Variants in MYO6 observed in about 807,000 individuals in gnomAD.
MYO6 encodes myosin VI.
Under a neutral mutation model 178.7 loss-of-function variants are expected in MYO6, and 74 were observed. The observed-to-expected ratio is 0.41, with a 90% CI of 0.34 to 0.50. The LOEUF (loss-of-function observed/expected upper bound fraction) is 0.50, where lower values mean the gene tolerates loss of function less well. MYO6 is among the 20% of genes least tolerant of loss of function. The probability of loss-of-function intolerance (pLI) is 0.09; values close to 1 mark genes in which losing one functional copy is unlikely to be tolerated. For synonymous variants in MYO6, 477 were observed against 504.6 expected (o/e 0.95, Z 0.73); for missense variants, 1,330 against 1,547.4 (o/e 0.86, Z 2.36).
intron 1 of MYO6, among the ~76,000 whole-genome samples, chr6:75,784,381 A>G (rs1767297298): frequency 6.6e-6 from 1 of 152,088 alleles, no homozygotes; most frequent in African/African-American, 2.4e-5. Context: ...GACACAGAGA[A>G]TGGAAGTGAA....
chr6:75,801,368 G>T (rs13205059), intron 1 of MYO6, among the ~76,000 whole-genome samples: 8,508 of 151,704 alleles, frequency 0.056, 536 homozygotes, highest in African/African-American at 0.15. Flanking sequence ...GAGGAGGGGT[G>T]GTTGTTCTTG....
In MYO6 at chr6:75,787,764, ATT is replaced by A. The variant is rs1248489922; in HGVS notation, c.-47-29723_-47-29722del. On this transcript the variant is annotated intron_variant, in intron 1 of 34. Transcript: ENST00000369977. ...TATATATATATATATATATATATGT[ATT>A]TTTTTTTTTTTTTGAGACAGTCTTG... Among the ~76,000 whole-genome samples, 25 of 73,310 alleles carry A rather than the reference ATT, an allele frequency of 3.4e-4. 1 individual carries two copies. Among genetic ancestry groups the A allele is most frequent in the Non-Finnish European group, 4.6e-4 (17 of 36,796 alleles). The allele number at this position is 73,310 out of a possible 152,430, so 48.1% of individuals were successfully genotyped here.
intron 3 of MYO6, among the ~76,000 whole-genome samples, chr6:75,824,508 CTG>C (rs1299098093): frequency 6.6e-6 from 1 of 152,170 alleles, no homozygotes; most frequent in African/African-American, 2.4e-5. Context: ...GAATGACACA[CTG>C]TAACACAAAG....
intron 30 of MYO6, among the ~76,000 whole-genome samples, chr6:75,906,601 G>A (rs922560610): frequency 3.3e-5 from 5 of 152,078 alleles, no homozygotes; most frequent in African/African-American, 7.2e-5. Flanking sequence ...GCTTGAGCCC[G>A]GGTGGTGGAG....
intron 27 of MYO6, among the ~76,000 whole-genome samples, chr6:75,892,256 G>A (rs1168892959): frequency 6.6e-6 from 1 of 152,174 alleles, no homozygotes; most frequent in Non-Finnish European, 1.5e-5. Context: ...CTCATGTGAT[G>A]TTTGGGACAC....
At chr6:75,836,029 G>A in intron 7 of MYO6, 73 bp downstream of exon 7, 1 of 1,022,260 alleles carries the variant, frequency 9.8e-7, no homozygotes, top group Admixed American at 1.7e-5. Flanking sequence ...GGTCTGGAAT[G>A]TTCTTCTCTC....
intron 1 of MYO6, among the ~76,000 whole-genome samples, chr6:75,759,640 G>C (rs1777777505): frequency 6.6e-6 from 1 of 152,052 alleles, no homozygotes; most frequent in Non-Finnish European, 1.5e-5. Context: ...AGGATGTGAA[G>C]GAGCAAATGG....
At chr6:75,825,659 G>T (rs1772392404) in intron 3 of MYO6, among the ~76,000 whole-genome samples, 1 of 152,124 alleles carries the variant, frequency 6.6e-6, no homozygotes, top group African/African-American at 2.4e-5. Context: ...TTCTGTAATG[G>T]AATGACTTCT....
intron 32 of MYO6, among the ~76,000 whole-genome samples, chr6:75,909,488 T>G (rs975608714): frequency 6.6e-6 from 1 of 152,216 alleles, no homozygotes; most frequent in Admixed American, 6.5e-5. Context: ...TTTGATTTTT[T>G]GATTGGGATC....
intron 1 of MYO6, among the ~76,000 whole-genome samples, chr6:75,816,286 G>A (rs1178220756): frequency 6.6e-6 from 1 of 152,220 alleles, no homozygotes; most frequent in Non-Finnish European, 1.5e-5. Flanking sequence ...TGAAGTTCAG[G>A]AATAGGCAGA....
intron 1 of MYO6, among the ~76,000 whole-genome samples, chr6:75,787,677 TCTC>T (rs1424517580): frequency 1.6e-4 from 2 of 12,428 alleles, no homozygotes; most frequent in Non-Finnish European, 2.4e-4. Flanking sequence ...ATGGAACTAT[TCTC>T]TCTCTCTCTC....
At chr6:75,843,296 G>T (rs1296201575) in intron 9 of MYO6, among the ~76,000 whole-genome samples, 1 of 152,202 alleles carries the variant, frequency 6.6e-6, no homozygotes, top group Non-Finnish European at 1.5e-5. Flanking sequence ...GTAAAGAATT[G>T]TGGATGTATA....
intron 11 of MYO6, 25 bp from the exon 12 acceptor site, chr6:75,855,114 T>G (rs1775628607): frequency 6.4e-7 from 1 of 1,551,846 alleles, no homozygotes; most frequent in Non-Finnish European, 8.8e-7. Context: ...ACTTATTAAT[T>G]TCAATGAAAA....
At chr6:75,814,088 C>T (rs1010224238) in intron 1 of MYO6, among the ~76,000 whole-genome samples, 8 of 152,180 alleles carry the variant, frequency 5.3e-5, no homozygotes, top group African/African-American at 1.9e-4. Flanking sequence ...CCAGAAAATG[C>T]AGTCCTTGTG....
At chr6:75,788,956 G>A (rs927302761) in intron 1 of MYO6, among the ~76,000 whole-genome samples, 9 of 152,094 alleles carry the variant, frequency 5.9e-5, no homozygotes, top group African/African-American at 1.9e-4. Context: ...AAAAGCAAAG[G>A]CAACATGATA....
intron 6 of MYO6, among the ~76,000 whole-genome samples, chr6:75,833,384 C>T (rs927382192): frequency 1.8e-4 from 28 of 152,228 alleles, no homozygotes; most frequent in Admixed American, 1.5e-3. Flanking sequence ...AGTATATTCA[C>T]GTTGTTGTGC....
At chr6:75,796,323 C>T (rs952005977) in intron 1 of MYO6, among the ~76,000 whole-genome samples, 1 of 152,200 alleles carries the variant, frequency 6.6e-6, no homozygotes, top group African/African-American at 2.4e-5. Context: ...TTCCACCATA[C>T]TTTTTTCCCC....
rs1781242291 is a variant in MYO6 at position 75,918,408 on chromosome 6, A to T, written c.*3396A>T. On this transcript the variant is annotated 3_prime_UTR_variant, in exon 35 of 35. Coordinates refer to ENST00000369977, the MANE Select transcript of MYO6 (RefSeq NM_004999.4). ...CTGCACCCCCAGTTTGGAAACACTG[A>T]TACATTTTAGGACACAGAGCACTCC... The T allele has an allele frequency of 6.6e-6, 1 of 152,228 alleles. No homozygotes were observed. The highest frequency in any genetic ancestry group is 2.4e-5 in the African/African-American group (1 of 41,438). The allele number at this position is 152,228 out of a possible 1,614,324, so 9.4% of individuals were successfully genotyped here.
intron 19 of MYO6, among the ~76,000 whole-genome samples, chr6:75,871,503 G>A (rs1449732000): frequency 6.6e-6 from 1 of 152,122 alleles, no homozygotes; most frequent in Non-Finnish European, 1.5e-5. Context: ...GCCTGACTTG[G>A]CCTCTCAAAG....
Sources: allele counts gnomAD v4.1 joint callset (sites outside exome capture counted in the v4.1 genomes callset), GRCh38; gene constraint gnomAD v4.1.1; transcripts MANE v1.5; gene names NCBI Gene and HGNC (gene_info 2026-07-23, HGNC 2026-07-21).